Variants in ACBD6 observed in about 807,000 individuals in gnomAD.
The protein encoded by ACBD6 is acyl-CoA-binding domain-containing protein 6.
Under a neutral mutation model 37.2 loss-of-function variants are expected in ACBD6, and 28 were observed. That is an observed-to-expected ratio of 0.75 (90% CI 0.56 to 1.03). The LOEUF (loss-of-function observed/expected upper bound fraction) is 1.03. Among genes scored for constraint, ACBD6 ranks in the 50% least tolerant of loss-of-function variants. The pLI is 0.00. For missense variants in ACBD6, 340 were observed against 337.4 expected, an observed-to-expected ratio of 1.01 and a Z score of -0.06; for synonymous variants, 113 against 126.8, an observed-to-expected ratio of 0.89 and a Z score of 0.73.
chr1:180,395,025 C>A (rs1654207435), intron 6 of ACBD6, among the ~76,000 whole-genome samples: 1 of 152,168 alleles, frequency 6.6e-6, no homozygotes, highest in South Asian at 2.1e-4. Flanking sequence ...ATTCATCATT[C>A]ATCAAACAGG....
At chr1:180,489,982 T>C (rs1341722907) in intron 3 of ACBD6, among the ~76,000 whole-genome samples, 1 of 152,158 alleles carries the variant, frequency 6.6e-6, no homozygotes, top group Non-Finnish European at 1.5e-5. Flanking sequence ...AGAGTAATAG[T>C]TAACAAAATT....
intron 4 of ACBD6, among the ~76,000 whole-genome samples, chr1:180,415,702 A>G (rs1648062931): frequency 6.6e-6 from 1 of 152,228 alleles, no homozygotes; most frequent in South Asian, 2.1e-4. Context: ...AGTATATGTA[A>G]GCGTTATTCA....
At chr1:180,320,709 T>C (rs1019595945) in intron 6 of ACBD6, among the ~76,000 whole-genome samples, 5 of 152,154 alleles carry the variant, frequency 3.3e-5, no homozygotes, top group African/African-American at 1.2e-4. Flanking sequence ...TCCTTCTGGT[T>C]ATTAATCTCT....
chr1:180,419,141 C>T lies in ACBD6; in HGVS notation c.468-5670G>A, dbSNP rs771995314. 8.8e-4 allele frequency among the ~76,000 whole-genome samples: 134 copies of T among 152,204 alleles called. 2 individuals are homozygous for T. Among genetic ancestry groups the T allele is most frequent in the Non-Finnish European group, 8.1e-4 (55 of 68,032 alleles). On this transcript the variant is annotated intron_variant, in intron 4 of 7. Coordinates refer to ENST00000367595, the MANE Select transcript of ACBD6 (RefSeq NM_032360.4). The stretch of plus-strand genomic sequence containing the variant: ...TGGTGGGCGCCTGTAGTCCCAGCTA[C>T]TTGGGAGGCTGAGGCAGGAGAATGG...
At chr1:180,501,383 T>G (rs569255072) in intron 1 of ACBD6, among the ~76,000 whole-genome samples, 1 of 152,352 alleles carries the variant, frequency 6.6e-6, no homozygotes, top group South Asian at 2.1e-4. Context: ...TTCTTCGCTC[T>G]TGTTGCCCAG....
intron 6 of ACBD6, chr1:180,326,420 C>T (rs1017394526): frequency 1.2e-4 from 18 of 152,340 alleles, no homozygotes; most frequent in Non-Finnish European, 2.3e-4. Flanking sequence ...CCCTTCAGGG[C>T]AGTGGGCTCC....
At position 180,499,078 on chromosome 1, in the gene ACBD6, A is replaced by G. The variant is rs535096658; in HGVS notation, c.222+2967T>C. ...AGGCTTATCTGAGACTAATAAAGCT[A>G]TGATGCTAAGTTTAGAGTTCTCCCT... On this transcript the variant is annotated intron_variant, in intron 1 of 7. Coordinates refer to ENST00000367595, the MANE Select transcript of ACBD6 (RefSeq NM_032360.4). 2.6e-5 allele frequency among the ~76,000 whole-genome samples: 4 copies of G among 152,348 alleles called. No individual in the cohort carries two copies. The South Asian group carries it at 6.2e-4, about 24-fold the overall frequency.
intron 3 of ACBD6, among the ~76,000 whole-genome samples, chr1:180,446,023 G>T (rs866582677): frequency 2.0e-5 from 3 of 151,712 alleles, no homozygotes; most frequent in Non-Finnish European, 2.9e-5. Flanking sequence ...TTTTGGGGGG[G>T]ATGGGGTCTC....
At chr1:180,467,899 G>A (rs1189815334) in intron 3 of ACBD6, among the ~76,000 whole-genome samples, 2 of 152,098 alleles carry the variant, frequency 1.3e-5, no homozygotes, top group Non-Finnish European at 2.9e-5. Flanking sequence ...TCTAAAACCT[G>A]CAGACATTTT....
intron 6 of ACBD6, among the ~76,000 whole-genome samples, chr1:180,323,814 G>T (rs1402943322): frequency 6.6e-6 from 1 of 151,888 alleles, no homozygotes; most frequent in African/African-American, 2.4e-5. Context: ...GTCTCTTGTA[G>T]GCAACAGATC....
intron 6 of ACBD6, among the ~76,000 whole-genome samples, chr1:180,339,034 G>A (rs1326384962): frequency 6.6e-6 from 1 of 152,180 alleles, no homozygotes; most frequent in African/African-American, 2.4e-5. Context: ...GGAAACAACA[G>A]GTGCTAGAGA....
chr1:180,451,114 A>G lies in ACBD6; in HGVS notation c.385-20852T>C, dbSNP rs1297182383. On this transcript the variant is annotated intron_variant, in intron 3 of 7. Transcript: ENST00000367595. The stretch of plus-strand genomic sequence containing the variant: ...CAACAAGAAAGGGAAATGTAACTTA[A>G]AAAAGATATACAAATGGCCAATGTG... Among the ~76,000 whole-genome samples, 3 of 152,366 alleles carry G rather than the reference A, an allele frequency of 2.0e-5. No homozygotes were observed. The South Asian group carries it at 6.2e-4, about 32-fold the overall frequency.
chr1:180,390,577 TATAA>T (rs1452941779), intron 6 of ACBD6, among the ~76,000 whole-genome samples: 2 of 152,176 alleles, frequency 1.3e-5, no homozygotes, highest in Non-Finnish European at 2.9e-5. Flanking sequence ...GCATTGAATC[TATAA>T]ATTACCTTGG....
At chr1:180,464,437 A>C (rs1650271058) in intron 3 of ACBD6, among the ~76,000 whole-genome samples, 1 of 152,184 alleles carries the variant, frequency 6.6e-6, no homozygotes, top group South Asian at 2.1e-4. Flanking sequence ...TCCCATTCAC[A>C]ACTGTCACAA....
intron 5 of ACBD6, among the ~76,000 whole-genome samples, chr1:180,399,610 A>G (rs1426419654): frequency 6.6e-6 from 1 of 152,230 alleles, no homozygotes; most frequent in African/African-American, 2.4e-5. Context: ...AGTCCAGGTG[A>G]AAATGTATTG....
At chr1:180,387,580 C>A (rs1653892987) in intron 6 of ACBD6, among the ~76,000 whole-genome samples, 1 of 152,198 alleles carries the variant, frequency 6.6e-6, no homozygotes, top group Admixed American at 6.5e-5. Flanking sequence ...ACTGAAAGCT[C>A]AGGGTACTCA....
chr1:180,272,087 C>T, intron 13 of ACBD6: 2 of 1,335,196 alleles, frequency 1.5e-6, no homozygotes, highest in Non-Finnish European at 2.0e-6. Flanking sequence ...CAGGAGGGAT[C>T]TTTCTTGAGG....
chr1:180,323,457 A>G (rs1228772722), intron 6 of ACBD6, among the ~76,000 whole-genome samples: 2 of 151,914 alleles, frequency 1.3e-5, no homozygotes, highest in African/African-American at 4.8e-5. Flanking sequence ...TGTTTCTTTG[A>G]TTTTCTGTCT....
At chr1:180,443,262 C>T (rs1649351499) in intron 3 of ACBD6, among the ~76,000 whole-genome samples, 1 of 152,204 alleles carries the variant, frequency 6.6e-6, no homozygotes, top group Non-Finnish European at 1.5e-5. Context: ...GAAGCCTCTA[C>T]CATATGCCCC....
Sources: gnomAD v4.1 joint callset for allele counts (sites outside exome capture counted in the v4.1 genomes callset) on GRCh38, gnomAD v4.1.1 for gene constraint, MANE v1.5 for transcripts, NCBI Gene and HGNC (gene_info 2026-07-23, HGNC 2026-07-21) for gene names.